CDK5RAP1: variants seen among roughly 807,000 people sequenced by gnomAD.
The protein encoded by CDK5RAP1 is mitochondrial tRNA methylthiotransferase CDK5RAP1.
Under a neutral mutation model 64.5 loss-of-function variants are expected in CDK5RAP1, and 62 were observed. That is an observed-to-expected ratio of 0.96 (90% confidence interval 0.78 to 1.19). CDK5RAP1 has a LOEUF of 1.19. Among genes scored for constraint, CDK5RAP1 ranks in the 50% most tolerant of loss-of-function variants. CDK5RAP1 has a pLI of 0.00. For synonymous variants in CDK5RAP1, 250 were observed against 261.9 expected (o/e 0.95, Z 0.44); for missense variants, 657 against 735.0 (o/e 0.89, Z 1.23).
At chr20:33,390,813 C>T (rs1296004688) in intron 5 of CDK5RAP1, among the ~76,000 whole-genome samples, 1 of 152,122 alleles carries the variant, frequency 6.6e-6, no homozygotes, top group South Asian at 2.1e-4. Flanking sequence ...GTGGACCCAT[C>T]GTTAGGAGAG....
intron 12 of CDK5RAP1, among the ~76,000 whole-genome samples, chr20:33,365,756 G>T (rs73115155): frequency 0.025 from 3,751 of 152,242 alleles, 96 homozygotes; most frequent in Non-Finnish European, 0.031. Flanking sequence ...AAGGGAGCTA[G>T]TAACAGCACC....
At chr20:33,395,668 G>GA (rs1163363139) in intron 2 of CDK5RAP1, among the ~76,000 whole-genome samples, 2 of 152,126 alleles carry the variant, frequency 1.3e-5, no homozygotes, top group African/African-American at 4.8e-5. Flanking sequence ...TTTAAATGGG[G>GA]AAAACATGTA....
intron 12 of CDK5RAP1, among the ~76,000 whole-genome samples, chr20:33,361,905 G>A (rs1405939469): frequency 4.3e-5 from 6 of 141,028 alleles, no homozygotes; most frequent in Admixed American, 2.3e-4. Flanking sequence ...GCAGTGAGCC[G>A]AGATCACGCC....
chr20:33,393,352 T>C (rs1451214319), intron 4 of CDK5RAP1, among the ~76,000 whole-genome samples: 1 of 151,850 alleles, frequency 6.6e-6, no homozygotes, highest in East Asian at 1.9e-4. Context: ...CATTGTTTGA[T>C]TTTTTTTGAA....
At chr20:33,395,606 CA>C (rs1048077182) in intron 2 of CDK5RAP1, among the ~76,000 whole-genome samples, 7 of 151,912 alleles carry the variant, frequency 4.6e-5, no homozygotes, top group Non-Finnish European at 8.8e-5. Flanking sequence ...CTCAAACAAA[CA>C]AAAAAATATA....
chr20:33,387,914 A>G (rs1987665557), intron 5 of CDK5RAP1, among the ~76,000 whole-genome samples: 1 of 151,940 alleles, frequency 6.6e-6, no homozygotes, highest in Admixed American at 6.6e-5. Context: ...TAAAAATACA[A>G]AAGTACCCAG....
chr20:33,363,495 A>C (rs1001987499), intron 12 of CDK5RAP1, among the ~76,000 whole-genome samples: 30 of 152,212 alleles, frequency 2.0e-4, no homozygotes, highest in Non-Finnish European at 4.1e-4. Context: ...TGGGGACATC[A>C]GGGCAGCAAC....
chr20:33,393,957 G>A (rs1188284117), intron 4 of CDK5RAP1, 75 bp downstream of exon 4: 2 of 1,069,142 alleles, frequency 1.9e-6, no homozygotes, highest in Non-Finnish European at 2.9e-6. Context: ...TCCATAGACA[G>A]CCAGGCCAGG....
In CDK5RAP1 at chr20:33,385,772, T is replaced by G; in HGVS notation, c.756-2A>C. 6.2e-7 allele frequency: 1 copy of G among 1,610,980 alleles called. No individual in the cohort carries two copies. The highest frequency in any genetic ancestry group is 1.1e-5 in the South Asian group (1 of 90,538). On this transcript the variant is annotated splice_acceptor_variant, in intron 6 of 13. Transcript: ENST00000346416. LOFTEE classifies it high-confidence loss of function. Reference sequence around the variant, plus strand: ...TTGTCACAGCCTCGCATGATTGACCTGGAGAAGAAAGTACCAGAACTTAGT... The same window carrying G: ...TTGTCACAGCCTCGCATGATTGACCGGGAGAAGAAAGTACCAGAACTTAGT...
intron 1 of CDK5RAP1, among the ~76,000 whole-genome samples, chr20:33,401,048 G>A (rs1316536814): frequency 6.6e-6 from 1 of 152,240 alleles, no homozygotes; most frequent in Non-Finnish European, 1.5e-5. Flanking sequence ...CGGCAATGAG[G>A]CTGGAACAAC....
intron 7 of CDK5RAP1, among the ~76,000 whole-genome samples, chr20:33,380,473 C>T (rs1297711259): frequency 1.3e-5 from 2 of 152,062 alleles, no homozygotes; most frequent in East Asian, 3.9e-4. Context: ...AAGTGTCTGG[C>T]TTAAATAACT....
At chr20:33,399,199 C>A (rs6087485) in intron 1 of CDK5RAP1, among the ~76,000 whole-genome samples, 1 of 151,228 alleles carries the variant, frequency 6.6e-6, no homozygotes, top group African/African-American at 2.4e-5. Flanking sequence ...AGGAAGAATT[C>A]TAGGATCACC....
intron 5 of CDK5RAP1, 32 bp from the exon 6 acceptor site, chr20:33,387,565 C>A (rs1012841156): frequency 1.9e-6 from 3 of 1,548,248 alleles, no homozygotes; most frequent in African/African-American, 2.7e-5. Flanking sequence ...GCACCTTTCC[C>A]CAAATCCACC....
intron 8 of CDK5RAP1, among the ~76,000 whole-genome samples, chr20:33,376,266 G>A (rs1985983472): frequency 6.6e-6 from 1 of 152,128 alleles, no homozygotes; most frequent in Non-Finnish European, 1.5e-5. Flanking sequence ...AGAGGTTGCA[G>A]TGAGCTGAGA....
intron 8 of CDK5RAP1, among the ~76,000 whole-genome samples, chr20:33,374,854 C>A (rs1354833359): frequency 1.3e-5 from 2 of 151,104 alleles, no homozygotes; most frequent in African/African-American, 4.8e-5. Flanking sequence ...ACGCCCAGCC[C>A]AAACTAGTCA....
At chr20:33,364,188 C>CTTTT (rs11479107) in intron 12 of CDK5RAP1, among the ~76,000 whole-genome samples, 5 of 135,506 alleles carry the variant, frequency 3.7e-5, no homozygotes, top group African/African-American at 5.4e-5. Context: ...GAAGAAATAG[C>CTTTT]TTTTTTTTTT....
At chr20:33,383,971 G>A (rs1987100014) in intron 7 of CDK5RAP1, among the ~76,000 whole-genome samples, 1 of 152,266 alleles carries the variant, frequency 6.6e-6, no homozygotes, top group South Asian at 2.1e-4. Flanking sequence ...AGCTGGGGCA[G>A]AGGGGTCATT....
chr20:33,393,278 T>C (rs118012667), intron 4 of CDK5RAP1, among the ~76,000 whole-genome samples: 1,963 of 152,226 alleles, frequency 0.013, 16 homozygotes, highest in Non-Finnish European at 0.017. Context: ...TGGACTCAAG[T>C]GATCCTCCCA....
intron 7 of CDK5RAP1, among the ~76,000 whole-genome samples, chr20:33,384,638 A>C (rs1435845428): frequency 1.3e-5 from 2 of 152,188 alleles, no homozygotes; most frequent in Non-Finnish European, 2.9e-5. Context: ...ACAGTGGCTC[A>C]TGACTGTAAT....
Sources: allele counts gnomAD v4.1 joint callset (sites outside exome capture counted in the v4.1 genomes callset), GRCh38; gene constraint gnomAD v4.1.1; transcripts MANE v1.5; gene names NCBI Gene and HGNC (gene_info 2026-07-23, HGNC 2026-07-21).